GRK7: variants seen among roughly 807,000 people sequenced by gnomAD.
The protein encoded by GRK7 is rhodopsin kinase GRK7.
GRK7 carries 24 observed loss-of-function variants against 34.1 expected under a neutral mutation model. The ratio of observed to expected loss-of-function variants is 0.70; its 90% CI spans 0.51 to 0.99. The LOEUF is 0.99. Ranked by LOEUF, GRK7 falls within the 50% of genes least tolerant of loss-of-function variation. The pLI is 0.00. For synonymous variants in GRK7, 256 were observed against 279.4 expected (o/e 0.92, Z 0.84); for missense variants, 644 against 707.3 (o/e 0.91, Z 1.02).
chr3:141,773,510 T>C, intron 1 of GRK7, among the ~76,000 whole-genome samples: 1 of 152,164 alleles, frequency 6.6e-6, no homozygotes, highest in East Asian at 1.9e-4. Context: ...ATGATTATTA[T>C]TTATTGTTAT....
At position 141,763,827 on chromosome 3, in the gene GRK7, C is replaced by T. The variant is rs542941367; in HGVS notation, c.-2126C>T. Among the ~76,000 whole-genome samples the T allele has an allele frequency of 1.6e-4, 24 of 152,240 alleles. No individual in the cohort carries two copies. The East Asian group carries it at 4.4e-3, about 28-fold the overall frequency. On this transcript the variant is annotated 5_prime_UTR_variant, in exon 1 of 6. Coordinates refer to ENST00000682958, the MANE Select transcript of GRK7 (RefSeq NM_139209.3). ...ACTTCTGAAACTTGTCCTCTGTGCC[C>T]TCCAATATTTACACCAACAAAATTT...
chr3:141,816,865 C>CG lies in GRK7; in HGVS notation c.1483dup (p.Val495GlyfsTer4). 2 of 1,613,946 alleles carry CG rather than the reference C, an allele frequency of 1.2e-6. No individual in the cohort carries two copies. Among genetic ancestry groups the CG allele is most frequent in the Non-Finnish European group, 1.7e-6 (2 of 1,179,942 alleles). ...TGAAATTGATGATTTCTCTGAGGTT[C>CG]GGGGGGTGGAATTTGATGACAAAGA... On this transcript the variant is annotated frameshift_variant, in exon 6 of 6. Coordinates refer to ENST00000682958, the MANE Select transcript of GRK7 (RefSeq NM_139209.3). LOFTEE classifies it high-confidence loss of function.
At chr3:141,800,380 TAAAAAAAA>T (rs5853047) in intron 4 of GRK7, among the ~76,000 whole-genome samples, 1 of 79,558 alleles carries the variant, frequency 1.3e-5, no homozygotes. Flanking sequence ...TTGTCATTTG[TAAAAAAAA>T]AAAAAAAAAA....
intron 4 of GRK7, among the ~76,000 whole-genome samples, chr3:141,790,004 TTTTG>T (rs982511546): frequency 5.3e-5 from 8 of 152,276 alleles, no homozygotes; most frequent in South Asian, 4.1e-4. Context: ...CCTTATGTTT[TTTTG>T]TTTGTTTGTT....
intron 2 of GRK7, among the ~76,000 whole-genome samples, chr3:141,775,268 C>G (rs1226371741): frequency 6.6e-6 from 1 of 152,028 alleles, no homozygotes; most frequent in Non-Finnish European, 1.5e-5. Flanking sequence ...GGCCTGGTGG[C>G]AGGTGCCTGT....
intron 5 of GRK7, among the ~76,000 whole-genome samples, chr3:141,812,698 C>A (rs1013699050): frequency 1.3e-5 from 2 of 152,194 alleles, no homozygotes; most frequent in Non-Finnish European, 2.9e-5. Context: ...CCCTGATGGA[C>A]AAACCAAGGC....
intron 5 of GRK7, among the ~76,000 whole-genome samples, chr3:141,810,332 CTCTCTCTCTCGCCTCTTT>C (rs1711080429): frequency 6.7e-6 from 1 of 149,546 alleles, no homozygotes; most frequent in South Asian, 2.1e-4. Context: ...CTCTCCCTCT[CTCTCTCTCTCGCCTCTTT>C]TCTCTCTCTC....
At position 141,778,604 on chromosome 3, in the gene GRK7, A is replaced by G; in HGVS notation, c.320A>G (p.Gln107Arg). 6.2e-7 allele frequency: 1 copy of G among 1,612,510 alleles called. No homozygotes were observed. The highest frequency in any genetic ancestry group is 8.5e-7 in the Non-Finnish European group (1 of 1,179,344). ...EEGPTKDSAL[Q>R]GLVATCASAP... is the part of the protein sequence containing the mutation. ...GGACCCACCAAAGACAGCGCGCTGCAGGGGCTGGTGGCCACTTGTGCGAGT... is the reference window on the plus strand; with the variant it reads ...GGACCCACCAAAGACAGCGCGCTGCGGGGGCTGGTGGCCACTTGTGCGAGT... Residue 107 changes from glutamine to arginine, a missense_variant, in exon 3 of 6, where the codon CAG (glutamine) becomes CGG (arginine). Coordinates refer to ENST00000682958, the MANE Select transcript of GRK7 (RefSeq NM_139209.3). The surrounding 1 kb of genome is among the most constrained non-coding windows in gnomAD (Gnocchi z 4.1).
intron 5 of GRK7, among the ~76,000 whole-genome samples, chr3:141,810,483 C>T (rs924786896): frequency 2.0e-5 from 3 of 151,922 alleles, no homozygotes; most frequent in Admixed American, 1.3e-4. Flanking sequence ...TACCCTCTCA[C>T]ATTCAGTTAT....
the GRK7 span, among the ~76,000 whole-genome samples, chr3:141,754,922 A>G: frequency 3.3e-5 from 5 of 152,206 alleles, no homozygotes; most frequent in East Asian, 1.9e-4. Context: ...GTTTTTTTAA[A>G]TAGGCTTTTA....
At chr3:141,782,419 G>A (rs1173017961) in intron 4 of GRK7, among the ~76,000 whole-genome samples, 4 of 152,126 alleles carry the variant, frequency 2.6e-5, no homozygotes, top group Non-Finnish European at 2.9e-5. Flanking sequence ...AGGCAAGCTG[G>A]CAAGTTTAAT....
intron 4 of GRK7, among the ~76,000 whole-genome samples, chr3:141,783,201 A>T (rs1381447988): frequency 2.0e-5 from 3 of 152,214 alleles, no homozygotes; most frequent in Non-Finnish European, 2.9e-5. Context: ...GCTTTCACTT[A>T]GATGTCACTG....
intron 4 of GRK7, among the ~76,000 whole-genome samples, chr3:141,781,823 C>T (rs1189006020): frequency 1.3e-5 from 2 of 152,128 alleles, no homozygotes; most frequent in East Asian, 1.9e-4. Context: ...GTTAGGTGAA[C>T]GACGGAAAAT....
At chr3:141,788,205 G>GTACTT in intron 4 of GRK7, among the ~76,000 whole-genome samples, 1 of 152,310 alleles carries the variant, frequency 6.6e-6, no homozygotes, top group Middle Eastern at 3.4e-3. Context: ...ACTGGGTAAA[G>GTACTT]TACTTTGGAT....
At chr3:141,801,618 T>C (rs1710967607) in intron 4 of GRK7, among the ~76,000 whole-genome samples, 1 of 152,224 alleles carries the variant, frequency 6.6e-6, no homozygotes, top group African/African-American at 2.4e-5. Flanking sequence ...TATACAAATA[T>C]GTCCAGATAA....
intron 2 of GRK7, among the ~76,000 whole-genome samples, chr3:141,777,322 C>CTTTTTTTTTTTGTTTTTT (rs2084644239): frequency 3.8e-5 from 2 of 52,872 alleles, no homozygotes; most frequent in East Asian, 4.8e-4. Flanking sequence ...GATGGCCCCT[C>CTTTTTTTTTTTGTTTTTT]TTTTTTTTTT....
chr3:141,810,996 AT>A (rs1711087204), intron 5 of GRK7, among the ~76,000 whole-genome samples: 1 of 152,112 alleles, frequency 6.6e-6, no homozygotes, highest in Admixed American at 6.6e-5. Context: ...ACCCACTTGG[AT>A]GCCTCAATTC....
chr3:141,760,221 G>A (rs1278333643), upstream of GRK7, among the ~76,000 whole-genome samples: 2 of 138,978 alleles, frequency 1.4e-5, no homozygotes, highest in Non-Finnish European at 3.1e-5. Flanking sequence ...TGTCAATTTT[G>A]GATCTTTCCT....
chr3:141,772,041 T>C (rs1404941840), intron 1 of GRK7, among the ~76,000 whole-genome samples: 1 of 152,002 alleles, frequency 6.6e-6, no homozygotes, highest in Non-Finnish European at 1.5e-5. Flanking sequence ...AATCAACAAC[T>C]TGAAGCTAAA....
Sources: gnomAD v4.1 joint callset for allele counts (sites outside exome capture counted in the v4.1 genomes callset) on GRCh38, gnomAD v4.1.1 for gene constraint, Gnocchi (gnomAD v3.1) non-coding constraint, MANE v1.5 for transcripts, NCBI Gene and HGNC (gene_info 2026-07-23, HGNC 2026-07-21) for gene names.